Variants in DAAM1 observed in about 807,000 individuals in gnomAD.
DAAM1 encodes dishevelled associated activator of morphogenesis 1.
A neutral mutation model predicts 130.0 loss-of-function variants in DAAM1; 52 were observed. That is an observed-to-expected ratio of 0.40 (90% CI 0.32 to 0.50). DAAM1 has a LOEUF of 0.50. Ranked by LOEUF, DAAM1 falls within the 20% of genes least tolerant of loss-of-function variation. DAAM1 has a pLI of 0.61. For synonymous variants in DAAM1, 452 were observed against 444.5 expected (o/e 1.02, Z -0.21); for missense variants, 1,134 against 1,303.8 (o/e 0.87, Z 2.01).
intron 1 of DAAM1, among the ~76,000 whole-genome samples, chr14:59,199,964 A>C (rs1566645535): frequency 1.3e-5 from 2 of 152,236 alleles, no homozygotes; most frequent in Admixed American, 1.3e-4. Context: ...GGATGGTCTG[A>C]AGACTTTAAT....
Position 59,245,592 on chromosome 14 carries a change from C to CA in DAAM1, c.-37-17841dup, listed in dbSNP as rs576034464. Among the ~76,000 whole-genome samples the CA allele has an allele frequency of 7.2e-3, 1,095 of 151,622 alleles. 15 individuals carry two copies. The highest frequency in any genetic ancestry group is 0.026 in the African/African-American group (1,059 of 41,366). ...AGGATAGTAATATCTACTTCTGTAG[C>CA]AAAAAAAATACAATGGATTTAAGAA... is the stretch of plus-strand genomic sequence containing the variant. On this transcript the variant is annotated intron_variant, in intron 1 of 24. Coordinates refer to ENST00000360909, the MANE Select transcript of DAAM1 (RefSeq NM_001270520.2).
At chr14:59,341,199 A>G (rs1487588578) in intron 16 of DAAM1, among the ~76,000 whole-genome samples, 3 of 152,216 alleles carry the variant, frequency 2.0e-5, no homozygotes, top group Non-Finnish European at 4.4e-5. Context: ...TTGAATTGTA[A>G]TGCAACTAGT....
At chr14:59,360,708 G>A (rs1190996009) in intron 21 of DAAM1, 94 bp from the exon 22 acceptor site, 2 of 1,014,780 alleles carry the variant, frequency 2.0e-6, no homozygotes, top group African/African-American at 1.7e-5. Context: ...AATTAAAATA[G>A]GATGGACTTC....
At chr14:59,223,626 G>C (rs187166985) in intron 1 of DAAM1, among the ~76,000 whole-genome samples, 115 of 152,122 alleles carry the variant, frequency 7.6e-4, no homozygotes, top group Non-Finnish European at 1.0e-3. Context: ...TCCCATTCTG[G>C]GCCTCATTCA....
At chr14:59,297,776 T>A (rs1884010516) in intron 3 of DAAM1, among the ~76,000 whole-genome samples, 1 of 152,220 alleles carries the variant, frequency 6.6e-6, no homozygotes, top group Non-Finnish European at 1.5e-5. Context: ...GTTGATAATC[T>A]CTTACTGTGC....
chr14:59,306,725 A>G (rs1463787087), intron 3 of DAAM1, among the ~76,000 whole-genome samples: 1 of 152,026 alleles, frequency 6.6e-6, no homozygotes, highest in Non-Finnish European at 1.5e-5. Context: ...AAGACTTAGT[A>G]ATACCCCAAA....
intron 17 of DAAM1, among the ~76,000 whole-genome samples, chr14:59,349,072 C>G (rs1012583505): frequency 1.3e-5 from 2 of 152,230 alleles, no homozygotes; most frequent in Non-Finnish European, 2.9e-5. Context: ...ACGTACCCTT[C>G]CCTCCCTTGC....
At chr14:59,298,608 C>G (rs750929212) in intron 3 of DAAM1, among the ~76,000 whole-genome samples, 87 of 152,186 alleles carry the variant, frequency 5.7e-4, no homozygotes, top group Non-Finnish European at 5.3e-4. Flanking sequence ...GCAAAAAAGT[C>G]AGCACTATTA....
intron 2 of DAAM1, among the ~76,000 whole-genome samples, chr14:59,282,460 C>T (rs569973158): frequency 2.6e-5 from 4 of 152,074 alleles, no homozygotes; most frequent in South Asian, 2.1e-4. Flanking sequence ...TGCAAGGTTA[C>T]GTAAGCCATA....
At chr14:59,195,411 G>A (rs1887858681) in intron 1 of DAAM1, among the ~76,000 whole-genome samples, 1 of 152,064 alleles carries the variant, frequency 6.6e-6, no homozygotes, top group Non-Finnish European at 1.5e-5. Context: ...CCAAAGAGCT[G>A]GGATTACAGG....
At chr14:59,272,113 T>TA (rs1882736883) in intron 2 of DAAM1, among the ~76,000 whole-genome samples, 1 of 152,138 alleles carries the variant, frequency 6.6e-6, no homozygotes, top group Admixed American at 6.5e-5. Context: ...AGTATTCAGT[T>TA]ATCTGGAAGC....
chr14:59,235,164 A>G lies in DAAM1; in HGVS notation c.-37-28277A>G, dbSNP rs1271307924. On this transcript the variant is annotated intron_variant, in intron 1 of 24. Transcript: ENST00000360909. The stretch of plus-strand genomic sequence containing the variant: ...AGGATGATGTGGGCCTCATAGGATG[A>G]GTTAGGGAGGAGTCTCTCCTTTTGA... 7.2e-5 allele frequency among the ~76,000 whole-genome samples: 11 copies of G among 152,176 alleles called. No homozygotes were observed. The East Asian group carries it at 1.9e-3, about 27-fold the overall frequency.
intron 1 of DAAM1, among the ~76,000 whole-genome samples, chr14:59,223,458 C>A (rs751391476): frequency 2.0e-5 from 3 of 152,142 alleles, no homozygotes; most frequent in Non-Finnish European, 4.4e-5. Flanking sequence ...TCCTAAAAGC[C>A]GGTGCTGCAA....
Position 59,323,135 on chromosome 14 carries a change from C to T in DAAM1, c.684C>T (p.Gly228=), listed in dbSNP as rs760420558. 9 of 1,613,450 alleles carry T rather than the reference C, an allele frequency of 5.6e-6. No homozygotes were observed. Among genetic ancestry groups the T allele is most frequent in the Middle Eastern group, 1.6e-4 (1 of 6,084 alleles). ...KTKVAVLEIL[G]AVCLVPGGHK... The stretch of plus-strand genomic sequence containing the variant: ...AGGTGGCCGTGCTGGAAATCTTGGG[C>T]GCCGTGTGCCTGGTTCCCGGGGGCC... The change falls in exon 6 of 25, where the codon GGC becomes GGT. Residue 228 remains glycine, a synonymous_variant. Coordinates refer to ENST00000360909, the MANE Select transcript of DAAM1 (RefSeq NM_001270520.2).
intron 1 of DAAM1, among the ~76,000 whole-genome samples, chr14:59,221,477 A>G (rs187417107): frequency 3.5e-4 from 53 of 152,298 alleles, no homozygotes; most frequent in Non-Finnish European, 6.3e-4. Context: ...CTTTGCCTTC[A>G]GCTGGTTATG....
Position 59,325,706 on chromosome 14 carries a change from A to G in DAAM1, c.1032A>G (p.Leu344=), listed in dbSNP as rs1885178631. ...AAATGCTCCGAAATGAAGATGAACT[A>G]GAATTTGCCAAAAGATTTGAACTGG... ...FFEMLRNEDE[L]EFAKRFELVH... The change falls in exon 9 of 25, where the codon CTA becomes CTG. Residue 344 remains leucine (L), a synonymous_variant. Coordinates refer to ENST00000360909, the MANE Select transcript of DAAM1 (RefSeq NM_001270520.2). 1.2e-6 allele frequency: 2 copies of G among 1,613,964 alleles called. No homozygotes were observed. Among genetic ancestry groups the G allele is most frequent in the Non-Finnish European group, 1.7e-6 (2 of 1,179,988 alleles).
intron 1 of DAAM1, among the ~76,000 whole-genome samples, chr14:59,261,499 A>C (rs75447714): frequency 6.6e-6 from 1 of 152,196 alleles, no homozygotes; most frequent in Non-Finnish European, 1.5e-5. Context: ...ATATGCTTCA[A>C]CAGAACAGGA....
intron 24 of DAAM1, among the ~76,000 whole-genome samples, chr14:59,368,024 G>T (rs1180517647): frequency 6.6e-6 from 1 of 151,992 alleles, no homozygotes; most frequent in African/African-American, 2.4e-5. Flanking sequence ...TACAGAAAAA[G>T]ATTTCTACAT....
chr14:59,220,275 A>T (rs920486403), intron 1 of DAAM1, among the ~76,000 whole-genome samples: 1 of 152,178 alleles, frequency 6.6e-6, no homozygotes, highest in African/African-American at 2.4e-5. Flanking sequence ...GGCAAGGGTG[A>T]TATGTTTTAC....
Sources: allele counts gnomAD v4.1 joint callset (sites outside exome capture counted in the v4.1 genomes callset), GRCh38; gene constraint gnomAD v4.1.1; transcripts MANE v1.5; gene names NCBI Gene and HGNC (gene_info 2026-07-23, HGNC 2026-07-21).